Variants in FRAS1 observed in about 807,000 individuals in gnomAD.
The protein encoded by FRAS1 is extracellular matrix organizing protein FRAS1.
Under a neutral mutation model 435.2 loss-of-function variants are expected in FRAS1, and 290 were observed. That is an observed-to-expected ratio of 0.67 (90% CI 0.61 to 0.73). The LOEUF (loss-of-function observed/expected upper bound fraction) is 0.73, where lower values mean the gene tolerates loss of function less well. Ranked by LOEUF, FRAS1 falls within the 30% of genes least tolerant of loss-of-function variation. FRAS1 has a pLI of 0.00. For synonymous variants in FRAS1, 1,800 were observed against 1,851.0 expected (o/e 0.97, Z 0.71); for missense variants, 4,860 against 5,001.5 (o/e 0.97, Z 0.85).
At chr4:78,395,308 T>C (rs1276445575) in intron 29 of FRAS1, among the ~76,000 whole-genome samples, 1 of 152,066 alleles carries the variant, frequency 6.6e-6, no homozygotes, top group East Asian at 1.9e-4. Flanking sequence ...ATGTTCCATA[T>C]GTGCTGGAGA....
In FRAS1 at chr4:78,513,520, T is replaced by G; in HGVS notation, c.10142T>G (p.Leu3381Ter). 1 of 1,613,886 alleles carries G rather than the reference T, an allele frequency of 6.2e-7. No individual in the cohort carries two copies. The highest frequency in any genetic ancestry group is 8.5e-7 in the Non-Finnish European group (1 of 1,179,846). Reference sequence around the variant, plus strand: ...AGACACCAGCACGTCTGCTCCAATTTAGTTACCACCTATGACCTGAGAGGC... The same window carrying G: ...AGACACCAGCACGTCTGCTCCAATTGAGTTACCACCTATGACCTGAGAGGC... ...IYRHQHVCSN[L>*]VTTYDLRGIS... is the part of the protein sequence containing the mutation. The change falls in exon 65 of 74, where the codon TTA becomes TGA. Residue 3381 changes from leucine to a stop codon, truncating the protein, a stop_gained. Coordinates refer to ENST00000512123, the MANE Select transcript of FRAS1 (RefSeq NM_025074.7). LOFTEE classifies it high-confidence loss of function.
Position 78,466,252 on chromosome 4 carries a change from C to T in FRAS1, c.7074C>T (p.Gly2358=), listed in dbSNP as rs7660641. 2,846 of 1,613,922 alleles carry T rather than the reference C, an allele frequency of 1.8e-3. 44 individuals are homozygous for T. In the African/African-American group the frequency reaches 0.034, roughly 19 times the overall value. ...CCATCGTGCAGCCTCCACGCCATGG[C>T]ACCATCGAGCGAACCAGCAATGGGC... is the stretch of plus-strand genomic sequence containing the variant. ...TFTIVQPPRH[G]TIERTSNGQH... Residue 2358 remains glycine, a synonymous_variant, in exon 50 of 74, where the codon GGC becomes GGT. Coordinates refer to ENST00000512123, the MANE Select transcript of FRAS1 (RefSeq NM_025074.7).
At chr4:78,532,492 T>TA (rs780757360) in intron 70 of FRAS1, among the ~76,000 whole-genome samples, 6 of 152,184 alleles carry the variant, frequency 3.9e-5, no homozygotes, top group Non-Finnish European at 8.8e-5. Context: ...TCTCCTCACT[T>TA]AGTTACCTGC....
chr4:78,450,420 CTA>C (rs1718987204), intron 45 of FRAS1, 81 bp downstream of exon 45: 2 of 1,135,802 alleles, frequency 1.8e-6, no homozygotes, highest in Admixed American at 1.7e-5. Context: ...ATCTGGTAGT[CTA>C]TGGCAATAAA....
At chr4:78,380,057 C>T in intron 27 of FRAS1, 61 bp downstream of exon 27, 1 of 1,550,940 alleles carries the variant, frequency 6.4e-7, no homozygotes, top group Non-Finnish European at 8.7e-7. Context: ...TTCCACTCCT[C>T]CACCCTGTCC....
chr4:78,122,123 C>A (rs1198160784), intron 2 of FRAS1, among the ~76,000 whole-genome samples: 1 of 151,748 alleles, frequency 6.6e-6, no homozygotes, highest in Non-Finnish European at 1.5e-5. Flanking sequence ...GTTATCTATC[C>A]CCTAGCCCCC....
At chr4:78,215,196 T>G (rs918680944) in intron 2 of FRAS1, among the ~76,000 whole-genome samples, 1 of 151,894 alleles carries the variant, frequency 6.6e-6, no homozygotes, top group Non-Finnish European at 1.5e-5. Flanking sequence ...ATTATTATTA[T>G]TATTATTATT....
chr4:78,451,197 C>T (rs1398868042), intron 45 of FRAS1, among the ~76,000 whole-genome samples: 1 of 152,140 alleles, frequency 6.6e-6, no homozygotes, highest in East Asian at 1.9e-4. Flanking sequence ...TTGAAAGATG[C>T]TTTTAAGTGA....
At chr4:78,321,491 A>G (rs897514819) in intron 18 of FRAS1, among the ~76,000 whole-genome samples, 1 of 152,184 alleles carries the variant, frequency 6.6e-6, no homozygotes, top group African/African-American at 2.4e-5. Flanking sequence ...TAAATTTAAG[A>G]AAACATCCTT....
At chr4:78,212,777 T>A (rs912014747) in intron 2 of FRAS1, among the ~76,000 whole-genome samples, 1 of 152,224 alleles carries the variant, frequency 6.6e-6, no homozygotes, top group Non-Finnish European at 1.5e-5. Flanking sequence ...GTGGCTTATG[T>A]GCTAAGGTTG....
chr4:78,124,052 A>G (rs1229047668), intron 2 of FRAS1, among the ~76,000 whole-genome samples: 1 of 152,182 alleles, frequency 6.6e-6, no homozygotes. Context: ...GTCTTGTGCC[A>G]GTTTTCAAAG....
intron 2 of FRAS1, among the ~76,000 whole-genome samples, chr4:78,131,974 A>G (rs755427091): frequency 2.6e-5 from 4 of 152,238 alleles, no homozygotes; most frequent in Non-Finnish European, 5.9e-5. Context: ...AGTTTGTTTC[A>G]TTAAATGAAC....
At chr4:78,511,646 C>T in intron 64 of FRAS1, 140 bp downstream of exon 64, 1 of 752,512 alleles carries the variant, frequency 1.3e-6, no homozygotes, top group Non-Finnish European at 2.3e-6. Flanking sequence ...AAGTTTAAAT[C>T]TGTGAAGGTC....
At chr4:78,536,191 ATT>A (rs11355997) in intron 71 of FRAS1, among the ~76,000 whole-genome samples, 272 of 103,950 alleles carry the variant, frequency 2.6e-3, no homozygotes, top group South Asian at 5.2e-3. Flanking sequence ...TTGTACATGG[ATT>A]TTTTTTTTTT....
chr4:78,406,627 C>G (rs934765181), intron 30 of FRAS1, among the ~76,000 whole-genome samples: 11 of 152,228 alleles, frequency 7.2e-5, no homozygotes, highest in Admixed American at 2.6e-4. Flanking sequence ...AGATACAATT[C>G]AAGTTGAGAT....
chr4:78,127,614 G>A (rs1299344380), intron 2 of FRAS1, among the ~76,000 whole-genome samples: 1 of 151,276 alleles, frequency 6.6e-6, no homozygotes, highest in Non-Finnish European at 1.5e-5. Context: ...TGGGCCAACT[G>A]GGTGAATAGT....
intron 38 of FRAS1, among the ~76,000 whole-genome samples, chr4:78,435,826 T>C (rs963957749): frequency 6.6e-6 from 1 of 151,952 alleles, no homozygotes; most frequent in Non-Finnish European, 1.5e-5. Flanking sequence ...ACAAAATGAT[T>C]ATATGTATGA....
chr4:78,415,515 A>G (rs1733519873), intron 32 of FRAS1, among the ~76,000 whole-genome samples: 1 of 152,228 alleles, frequency 6.6e-6, no homozygotes, highest in Non-Finnish European at 1.5e-5. Flanking sequence ...GCTGCTTCCC[A>G]GATCACCACA....
chr4:78,277,658 C>T (rs962794481), intron 9 of FRAS1, among the ~76,000 whole-genome samples: 3 of 151,688 alleles, frequency 2.0e-5, no homozygotes, highest in African/African-American at 7.3e-5. Context: ...TATAGAATTG[C>T]AAATTATTTA....
Sources: gnomAD v4.1 joint callset for allele counts (sites outside exome capture counted in the v4.1 genomes callset) on GRCh38, gnomAD v4.1.1 for gene constraint, MANE v1.5 for transcripts, NCBI Gene and HGNC (gene_info 2026-07-23, HGNC 2026-07-21) for gene names.